CNTNAP2: variants seen among roughly 807,000 people sequenced by gnomAD.
The protein encoded by CNTNAP2 is contactin associated protein 2, also known as contactin-associated protein-like 2.
A neutral mutation model predicts 155.2 loss-of-function variants in CNTNAP2; 98 were observed. The ratio of observed to expected loss-of-function variants is 0.63; its 90% CI spans 0.54 to 0.75. The LOEUF (loss-of-function observed/expected upper bound fraction) is 0.75. Among genes scored for constraint, CNTNAP2 ranks in the 30% least tolerant of loss-of-function variants. The pLI is 0.00. For missense variants in CNTNAP2, 1,727 were observed against 1,688.1 expected, an observed-to-expected ratio of 1.02 and a Z score of -0.40; for synonymous variants, 651 against 631.2, an observed-to-expected ratio of 1.03 and a Z score of -0.47.
chr7:147,109,692 T>A (rs1182415788), intron 5 of CNTNAP2, among the ~76,000 whole-genome samples: 1 of 152,130 alleles, frequency 6.6e-6, no homozygotes, highest in East Asian at 1.9e-4. Context: ...AGGTTACTGT[T>A]AATTTCTACT....
At chr7:147,483,832 AG>A (rs1798467360) in intron 10 of CNTNAP2, among the ~76,000 whole-genome samples, 1 of 152,170 alleles carries the variant, frequency 6.6e-6, no homozygotes, top group Non-Finnish European at 1.5e-5. Flanking sequence ...CCCACGCCTC[AG>A]GGCCTGTACA....
chr7:147,413,299 G>T (rs147255380), intron 10 of CNTNAP2, among the ~76,000 whole-genome samples: 3 of 152,186 alleles, frequency 2.0e-5, no homozygotes, highest in African/African-American at 7.2e-5. Context: ...GAATGGAAGC[G>T]TTGGAGAAAA....
intron 1 of CNTNAP2, among the ~76,000 whole-genome samples, chr7:146,435,162 C>G (rs972023121): frequency 1.3e-5 from 2 of 152,094 alleles, no homozygotes; most frequent in Admixed American, 6.6e-5. Flanking sequence ...GCCAACATAG[C>G]TAGTGGGATG....
chr7:147,353,136 C>A (rs142760744), intron 9 of CNTNAP2, among the ~76,000 whole-genome samples: 10 of 151,080 alleles, frequency 6.6e-5, no homozygotes, highest in Admixed American at 3.3e-4. Context: ...CATACATATA[C>A]GTATATGTAC....
intron 8 of CNTNAP2, chr7:147,167,269 T>C (rs567907371): frequency 2.6e-6 from 1 of 389,240 alleles, no homozygotes; most frequent in East Asian, 4.0e-5. Context: ...GATAATGGAG[T>C]TGATTTTTCT....
At chr7:146,794,606 C>A (rs1018664842) in intron 2 of CNTNAP2, among the ~76,000 whole-genome samples, 2 of 152,076 alleles carry the variant, frequency 1.3e-5, no homozygotes, top group African/African-American at 4.8e-5. Flanking sequence ...AACTGAAATA[C>A]AGATAAATAA....
At chr7:146,543,412 C>T (rs1409427306) in intron 1 of CNTNAP2, among the ~76,000 whole-genome samples, 1 of 151,812 alleles carries the variant, frequency 6.6e-6, no homozygotes, top group Non-Finnish European at 1.5e-5. Flanking sequence ...ATTCCCCTTT[C>T]CATTCAGCCC....
intron 14 of CNTNAP2, among the ~76,000 whole-genome samples, chr7:147,910,791 A>G (rs935845912): frequency 6.6e-6 from 1 of 152,096 alleles, no homozygotes; most frequent in Non-Finnish European, 1.5e-5. Context: ...TGATTCAATT[A>G]TCTCCACCTG....
intron 14 of CNTNAP2, among the ~76,000 whole-genome samples, chr7:147,939,354 TGAGA>T (rs1800674200): frequency 6.6e-6 from 1 of 152,078 alleles, no homozygotes; most frequent in African/African-American, 2.4e-5. Flanking sequence ...TTATTTTTTT[TGAGA>T]CAGGCTGTGG....
chr7:147,249,948 C>T (rs867118231), intron 8 of CNTNAP2, among the ~76,000 whole-genome samples: 2 of 152,132 alleles, frequency 1.3e-5, no homozygotes, highest in South Asian at 4.1e-4. Flanking sequence ...TTCTCATTAT[C>T]CAGATTAAAA....
intron 13 of CNTNAP2, chr7:147,850,032 T>C (rs1373195378): frequency 1.3e-5 from 2 of 152,226 alleles, no homozygotes. Context: ...AGCTTAATTA[T>C]ATGTATTACT....
rs35631450 is a variant in CNTNAP2, at chr7:147,859,422, CAAAA to C, written c.2099-44128_2099-44125del. Among the ~76,000 whole-genome samples the C allele has an allele frequency of 7.8e-3, 1,016 of 130,108 alleles. 16 individuals are homozygous for C. Among genetic ancestry groups the C allele is most frequent in the African/African-American group, 0.026 (938 of 36,564 alleles). 85.4% of individuals were successfully genotyped at this position (130,108 alleles called of 152,430 possible). On this transcript the variant is annotated intron_variant, in intron 13 of 23. Coordinates refer to ENST00000361727, the MANE Select transcript of CNTNAP2 (RefSeq NM_014141.6). ...AATGATGTGCTGACAAGATCAAGAC[CAAAA>C]AAAAAAAAAAAAAACATGTCATATT...
At chr7:146,523,018 A>T (rs1190045197) in intron 1 of CNTNAP2, among the ~76,000 whole-genome samples, 1 of 151,778 alleles carries the variant, frequency 6.6e-6, no homozygotes, top group Non-Finnish European at 1.5e-5. Flanking sequence ...TCCATAATTT[A>T]TTGGGGTACC....
intron 21 of CNTNAP2, among the ~76,000 whole-genome samples, chr7:148,373,186 A>G (rs1428345790): frequency 6.6e-6 from 1 of 152,184 alleles, no homozygotes; most frequent in Non-Finnish European, 1.5e-5. Context: ...GGCCAGGTGC[A>G]GTGGCTCACA....
intron 1 of CNTNAP2, among the ~76,000 whole-genome samples, chr7:146,577,546 T>G (rs1175334611): frequency 1.3e-5 from 2 of 152,102 alleles, no homozygotes; most frequent in Non-Finnish European, 1.5e-5. Context: ...TGTTTCGTGA[T>G]TAATTTTAAA....
intron 4 of CNTNAP2, among the ~76,000 whole-genome samples, chr7:147,078,133 CAA>C (rs749124153): frequency 1.3e-5 from 2 of 152,140 alleles, no homozygotes; most frequent in African/African-American, 4.8e-5. Flanking sequence ...TTCATCAGCA[CAA>C]AGAGAGGATC....
chr7:146,919,706 G>A (rs187038115), intron 3 of CNTNAP2, among the ~76,000 whole-genome samples: 1 of 152,316 alleles, frequency 6.6e-6, no homozygotes, highest in East Asian at 1.9e-4. Flanking sequence ...CATCAGCTAA[G>A]GCAGTATAAG....
At position 146,733,422 on chromosome 7, in the gene CNTNAP2, CAAA is replaced by C. The variant is rs556362811; in HGVS notation, c.98-40845_98-40843del. Among the ~76,000 whole-genome samples, 8 of 147,618 alleles carry C rather than the reference CAAA, an allele frequency of 5.4e-5. No individual in the cohort carries two copies. The East Asian group carries it at 1.8e-3, about 33-fold the overall frequency. ...GTGTTTTATAATTAACTGCAAAAAA[CAAA>C]AAACAAGAAATAAAATATATACATT... On this transcript the variant is annotated intron_variant, in intron 1 of 23. Transcript: ENST00000361727.
intron 2 of CNTNAP2, among the ~76,000 whole-genome samples, chr7:146,815,854 C>T (rs1425735716): frequency 2.0e-5 from 3 of 152,070 alleles, no homozygotes; most frequent in African/African-American, 7.2e-5. Flanking sequence ...TGGTGTGCTG[C>T]ACCCATCAAC....
Sources: allele counts gnomAD v4.1 joint callset (sites outside exome capture counted in the v4.1 genomes callset), GRCh38; gene constraint gnomAD v4.1.1; transcripts MANE v1.5; gene names NCBI Gene and HGNC (gene_info 2026-07-23, HGNC 2026-07-21).